DSCAML1: variants seen among roughly 807,000 people sequenced by gnomAD.
DSCAML1 encodes the protein DS cell adhesion molecule like 1, also known as cell adhesion molecule DSCAML1.
DSCAML1 carries 38 observed loss-of-function variants against 200.5 expected under a neutral mutation model. The ratio of observed to expected loss-of-function variants is 0.19; its 90% CI spans 0.15 to 0.25. DSCAML1 has a LOEUF of 0.25. Ranked by LOEUF, DSCAML1 falls within the 10% of genes least tolerant of loss-of-function variation. DSCAML1 has a pLI of 1.00. For synonymous variants in DSCAML1, 1,215 were observed against 1,165.0 expected, an observed-to-expected ratio of 1.04 and a Z score of -0.87; for missense variants, 2,223 against 2,858.8, an observed-to-expected ratio of 0.78 and a Z score of 5.07.
At chr11:117,562,274 G>GCCTCTC (rs1290533416) in intron 3 of DSCAML1, among the ~76,000 whole-genome samples, 1 of 152,120 alleles carries the variant, frequency 6.6e-6, no homozygotes, top group African/African-American at 2.4e-5. Context: ...AGCCCCCCAA[G>GCCTCTC]CCTCTCATAT....
intron 3 of DSCAML1, among the ~76,000 whole-genome samples, chr11:117,544,979 C>A (rs1011058508): frequency 6.6e-6 from 1 of 152,024 alleles, no homozygotes; most frequent in Non-Finnish European, 1.5e-5. Context: ...TGCCTGTAAT[C>A]CCAGCACTTT....
At chr11:117,689,065 C>T (rs2053454090) in intron 3 of DSCAML1, among the ~76,000 whole-genome samples, 2 of 152,154 alleles carry the variant, frequency 1.3e-5, no homozygotes, top group Admixed American at 6.5e-5. Flanking sequence ...CCTCATCTTC[C>T]CAGGGGCTTC....
chr11:117,501,856 C>T (rs1021590580), intron 11 of DSCAML1, among the ~76,000 whole-genome samples: 1 of 151,976 alleles, frequency 6.6e-6, no homozygotes, highest in Admixed American at 6.6e-5. Context: ...AGTAAGACAC[C>T]GAGGCCTGCA....
At chr11:117,551,042 A>G (rs2050458762) in intron 3 of DSCAML1, among the ~76,000 whole-genome samples, 1 of 152,114 alleles carries the variant, frequency 6.6e-6, no homozygotes, top group Admixed American at 6.5e-5. Flanking sequence ...GGGTCAGGCA[A>G]TTCTCTTCTT....
chr11:117,780,689 G>A lies in DSCAML1; in HGVS notation c.168C>T (p.Ala56=). The A allele has an allele frequency of 6.3e-7, 1 of 1,589,232 alleles. No homozygotes were observed. Among genetic ancestry groups the A allele is most frequent in the Non-Finnish European group, 8.6e-7 (1 of 1,166,608 alleles). ...CCCCTGTGGCCAGGTACCATCGAAG[G>A]GCCGCGCTGGGGGAGCCCGCGGCCG... ...PCPAAGSPSA[A]LRWYLATGDD... is the part of the protein sequence containing the mutation. The change falls in exon 2 of 33, where the codon GCC becomes GCT. Residue 56 remains alanine (A), a synonymous_variant. Coordinates refer to ENST00000651296, the MANE Select transcript of DSCAML1 (RefSeq NM_020693.4). The surrounding 1 kb of genome is among the most constrained non-coding windows in gnomAD (Gnocchi z 4.8).
At chr11:117,713,563 C>T (rs891817097) in intron 3 of DSCAML1, among the ~76,000 whole-genome samples, 3 of 152,222 alleles carry the variant, frequency 2.0e-5, no homozygotes, top group Admixed American at 6.5e-5. Flanking sequence ...AAATGACACT[C>T]ACCGTCCCCC....
At chr11:117,756,221 T>C (rs1204205210) in intron 3 of DSCAML1, among the ~76,000 whole-genome samples, 3 of 152,222 alleles carry the variant, frequency 2.0e-5, no homozygotes, top group Admixed American at 1.3e-4. Flanking sequence ...TCACTCAACA[T>C]GGCAGGTGCC....
At chr11:117,455,288 T>A (rs1263771408) in intron 19 of DSCAML1, among the ~76,000 whole-genome samples, 1 of 152,230 alleles carries the variant, frequency 6.6e-6, no homozygotes, top group Non-Finnish European at 1.5e-5. Flanking sequence ...CCCTAGTACA[T>A]AACTTCCTCG....
Position 117,438,090 on chromosome 11 carries a change from A to T in DSCAML1, c.4244-7T>A. On this transcript the variant is annotated splice_region_variant and splice_polypyrimidine_tract_variant and intron_variant, in intron 24 of 32. Coordinates refer to ENST00000651296, the MANE Select transcript of DSCAML1 (RefSeq NM_020693.4). ...GAGTACTGTAGCACGAAGCCTGCGG[A>T]GGGTAGGCCTGATTCAGGTGGGGGC... The T allele has an allele frequency of 6.3e-7, 1 of 1,599,306 alleles. No individual in the cohort carries two copies. The highest frequency in any genetic ancestry group is 2.3e-5 in the East Asian group (1 of 44,428).
chr11:117,640,500 GGGTTCT>G (rs1242040247), intron 3 of DSCAML1, among the ~76,000 whole-genome samples: 3 of 152,184 alleles, frequency 2.0e-5, no homozygotes, highest in African/African-American at 7.2e-5. Context: ...GCCAGCCTCT[GGGTTCT>G]GGTCCAGTCA....
At chr11:117,529,949 A>G (rs753304608) in intron 4 of DSCAML1, among the ~76,000 whole-genome samples, 7 of 151,608 alleles carry the variant, frequency 4.6e-5, no homozygotes, top group Non-Finnish European at 8.8e-5. Context: ...GTCACATCCC[A>G]TCACATCAGG....
At chr11:117,496,972 G>T (rs1264803715) in intron 11 of DSCAML1, among the ~76,000 whole-genome samples, 1 of 152,212 alleles carries the variant, frequency 6.6e-6, no homozygotes, top group African/African-American at 2.4e-5. Context: ...TGTTGGCATT[G>T]GGAGGTCAGT....
rs1006712673 is a variant in DSCAML1, at chr11:117,790,882, C to A, written c.46+6152G>T. 3.9e-5 allele frequency among the ~76,000 whole-genome samples: 6 copies of A among 152,220 alleles called. No homozygotes were observed. In the East Asian group the frequency reaches 1.2e-3, roughly 29 times the overall value. On this transcript the variant is annotated intron_variant, in intron 1 of 32. Coordinates refer to ENST00000651296, the MANE Select transcript of DSCAML1 (RefSeq NM_020693.4). ...ACACACAGACACACATACACACATGCACGTGCAAACACACATGCATCTCTT... is the reference window on the plus strand; with the variant it reads ...ACACACAGACACACATACACACATGAACGTGCAAACACACATGCATCTCTT...
chr11:117,778,501 C>T (rs537597087), intron 2 of DSCAML1, among the ~76,000 whole-genome samples: 2 of 152,290 alleles, frequency 1.3e-5, no homozygotes, highest in South Asian at 4.2e-4. Flanking sequence ...CTTCTGGAGC[C>T]CCAGTTTCTT....
intron 3 of DSCAML1, among the ~76,000 whole-genome samples, chr11:117,729,329 CAT>C (rs1397212513): frequency 6.6e-6 from 1 of 152,024 alleles, no homozygotes; most frequent in Non-Finnish European, 1.5e-5. Flanking sequence ...TAGAAGAAAA[CAT>C]AGGGATAAAT....
At chr11:117,671,920 T>C (rs1244803165) in intron 3 of DSCAML1, among the ~76,000 whole-genome samples, 1 of 151,500 alleles carries the variant, frequency 6.6e-6, no homozygotes, top group Non-Finnish European at 1.5e-5. Context: ...AAGACCACAG[T>C]GAAACCCCAT....
chr11:117,454,514 A>G (rs929578207), intron 19 of DSCAML1, among the ~76,000 whole-genome samples: 3 of 152,116 alleles, frequency 2.0e-5, no homozygotes, highest in Non-Finnish European at 4.4e-5. Context: ...ATAGTTTCCA[A>G]TTCTCTGAAG....
intron 3 of DSCAML1, among the ~76,000 whole-genome samples, chr11:117,756,145 C>A (rs901517893): frequency 2.0e-5 from 3 of 152,198 alleles, no homozygotes; most frequent in Non-Finnish European, 2.9e-5. Context: ...TGGCTCAGGG[C>A]CCTTTTCTGT....
In DSCAML1 at chr11:117,490,112, G is replaced by A. The variant is rs143228577; in HGVS notation, c.2360-7950C>T. Among the ~76,000 whole-genome samples, 12 of 152,218 alleles carry A rather than the reference G, an allele frequency of 7.9e-5. No individual in the cohort carries two copies. The East Asian group carries it at 2.3e-3, about 29-fold the overall frequency. On this transcript the variant is annotated intron_variant, in intron 11 of 32. Transcript: ENST00000651296. Reference sequence around the variant, plus strand: ...GCACCCCTCAAAGAGGAAGCACCACGGAGAGGAGAAAGGCACCAGAGCCGT... The same window carrying A: ...GCACCCCTCAAAGAGGAAGCACCACAGAGAGGAGAAAGGCACCAGAGCCGT...
Sources: allele counts gnomAD v4.1 joint callset (sites outside exome capture counted in the v4.1 genomes callset), GRCh38; gene constraint gnomAD v4.1.1; non-coding constraint Gnocchi (gnomAD v3.1); transcripts MANE v1.5; gene names NCBI Gene and HGNC (gene_info 2026-07-23, HGNC 2026-07-21).